TDRD12: variants seen among roughly 807,000 people sequenced by gnomAD.
TDRD12 encodes the protein tudor domain containing 12.
Under a neutral mutation model 133.5 loss-of-function variants are expected in TDRD12, and 158 were observed. The ratio of observed to expected loss-of-function variants is 1.18; its 90% CI spans 1.04 to 1.35. The LOEUF (loss-of-function observed/expected upper bound fraction) is 1.35, where lower values mean the gene tolerates loss of function less well. Ranked by LOEUF, TDRD12 falls within the 40% of genes most tolerant of loss-of-function variation. TDRD12 has a pLI of 0.00. For synonymous variants in TDRD12, 460 were observed against 477.9 expected (o/e 0.96, Z 0.49); for missense variants, 1,443 against 1,321.3 (o/e 1.09, Z -1.43).
intron 8 of TDRD12, among the ~76,000 whole-genome samples, chr19:32,757,377 C>G (rs1970026945): frequency 6.6e-6 from 1 of 152,152 alleles, no homozygotes; most frequent in Non-Finnish European, 1.5e-5. Flanking sequence ...TTATTCCAGC[C>G]TAGCCATCGA....
At position 32,757,038 on chromosome 19, in the gene TDRD12, A is replaced by G; in HGVS notation, c.773A>G (p.Asp258Gly). ...TTCTGAAATTTATTCTTTCTATCAG[A>G]TTCACATGGTGTAAATTTTCCGGCA... Residue 258 changes from aspartate (D) to glycine (G), a missense_variant and splice_region_variant, in exon 8 of 28, where the codon GAT becomes GGT. Asp to Gly is a moderately conservative substitution (Grantham distance 94). Transcript: ENST00000444215. 1 of 1,551,224 alleles carries G rather than the reference A, an allele frequency of 6.4e-7. No individual in the cohort carries two copies. Among genetic ancestry groups the G allele is most frequent in the East Asian group, 2.4e-5 (1 of 40,906 alleles).
At chr19:32,749,543 G>T (rs1402210260) in intron 5 of TDRD12, among the ~76,000 whole-genome samples, 1 of 152,016 alleles carries the variant, frequency 6.6e-6, no homozygotes, top group Admixed American at 6.6e-5. Flanking sequence ...ATCTGGGTTT[G>T]GGAGGCATGG....
chr19:32,820,572 G>C (rs1180470732), intron 27 of TDRD12, among the ~76,000 whole-genome samples: 1 of 152,184 alleles, frequency 6.6e-6, no homozygotes, highest in African/African-American at 2.4e-5. Flanking sequence ...GTTTAAATGT[G>C]TGTATGTGTC....
Position 32,807,267 on chromosome 19 carries a change from T to TAAAAAAAAAAAAAAA in TDRD12, c.2553-267_2553-253dup, listed in dbSNP as rs59421213. Among the ~76,000 whole-genome samples the TAAAAAAAAAAAAAAA allele has an allele frequency of 4.2e-4, 20 of 47,202 alleles. 3 individuals carry two copies. Among genetic ancestry groups the TAAAAAAAAAAAAAAA allele is most frequent in the East Asian group, 3.5e-3 (4 of 1,146 alleles). 31.0% of individuals were successfully genotyped at this position (47,202 alleles called of 152,430 possible). A position where few individuals can be genotyped will look rare whatever the true frequency, so the allele number is the denominator to read the frequency against. On this transcript the variant is annotated intron_variant, in intron 21 of 27. Transcript: ENST00000444215. ...GGGCAACAGAGTGAGACCAAACTCT[T>TAAAAAAAAAAAAAAA]AAAAAAAAAAAAAAAAAAAAAAAAA... is the stretch of plus-strand genomic sequence containing the variant.
intron 1 of TDRD12, among the ~76,000 whole-genome samples, chr19:32,725,032 T>A (rs1169976043): frequency 6.6e-6 from 1 of 152,232 alleles, no homozygotes; most frequent in African/African-American, 2.4e-5. Context: ...AAGTGTCTGT[T>A]CATGCGCTTT....
At chr19:32,788,730 G>A (rs1346864222) in intron 11 of TDRD12, among the ~76,000 whole-genome samples, 8 of 152,084 alleles carry the variant, frequency 5.3e-5, no homozygotes, top group Admixed American at 6.6e-5. Context: ...GTATTTCAAC[G>A]TAGAGGCCCA....
intron 6 of TDRD12, among the ~76,000 whole-genome samples, chr19:32,751,928 C>T (rs1296540520): frequency 1.3e-5 from 2 of 152,056 alleles, no homozygotes; most frequent in Non-Finnish European, 2.9e-5. Flanking sequence ...GGCTGGAGTG[C>T]AGTGGCGCAA....
rs1971434282 is a variant in TDRD12, at chr19:32,802,690, C to T, written c.2232C>T (p.Ile744=). 3 of 1,536,262 alleles carry T rather than the reference C, an allele frequency of 2.0e-6. 1 individual carries two copies. The highest frequency in any genetic ancestry group is 2.6e-6 in the Non-Finnish European group (3 of 1,146,926). Residue 744 remains isoleucine, a synonymous_variant, in exon 20 of 28, where the codon ATC becomes ATT. Coordinates refer to ENST00000444215, the Ensembl canonical transcript of TDRD12. ...ACGACTGCGTCCCACTCTTGGCCAT[C>T]ACCGATGCCACGTGTGTGATTCACT...
intron 10 of TDRD12, among the ~76,000 whole-genome samples, chr19:32,774,402 T>A (rs1465208673): frequency 6.6e-6 from 1 of 152,190 alleles, no homozygotes; most frequent in East Asian, 1.9e-4. Flanking sequence ...TCCTTCCACC[T>A]AAGGGCTTCC....
At chr19:32,772,154 A>G (rs1191241055) in intron 8 of TDRD12, among the ~76,000 whole-genome samples, 1 of 152,180 alleles carries the variant, frequency 6.6e-6, no homozygotes, top group East Asian at 1.9e-4. Context: ...GGACTCAGGC[A>G]CGTTCTGGCA....
intron 6 of TDRD12, among the ~76,000 whole-genome samples, chr19:32,751,606 G>A (rs1041619582): frequency 8.1e-5 from 10 of 123,730 alleles, no homozygotes; most frequent in South Asian, 3.0e-4. Flanking sequence ...CCTCCCATCC[G>A]TCTCTCTCTG....
intron 14 of TDRD12, chr19:32,796,297 T>C (rs1971223237): frequency 3.2e-6 from 2 of 629,000 alleles, no homozygotes; most frequent in Non-Finnish European, 4.0e-6. Context: ...CTTTAGAAAG[T>C]TGCATCTGTT....
chr19:32,728,577 C>T (rs1380102936), intron 1 of TDRD12, among the ~76,000 whole-genome samples: 2 of 151,036 alleles, frequency 1.3e-5, no homozygotes, highest in African/African-American at 4.9e-5. Flanking sequence ...TTTTTCCTGT[C>T]TTACTGTACT....
chr19:32,772,189 C>T lies in TDRD12; in HGVS notation c.866-564C>T, dbSNP rs1396292953. Among the ~76,000 whole-genome samples, 4 of 152,184 alleles carry T rather than the reference C, an allele frequency of 2.6e-5. No individual in the cohort carries two copies. The East Asian group carries it at 7.7e-4, about 29-fold the overall frequency. On this transcript the variant is annotated intron_variant, in intron 8 of 27. Coordinates refer to ENST00000444215, the Ensembl canonical transcript of TDRD12. Reference sequence around the variant, plus strand: ...AGTTGATGCTGGCTTTTGGCTGGGACCTCAGCTGGGACTCTTGTCCGAAAT... The same window carrying T: ...AGTTGATGCTGGCTTTTGGCTGGGATCTCAGCTGGGACTCTTGTCCGAAAT...
chr19:32,827,367 CTTTTCTT>C, exon 10 of TDRD12: 8 of 256,396 alleles, frequency 3.1e-5, no homozygotes, highest in Non-Finnish European at 4.2e-5. Context: ...TTTTTCTTTT[CTTTTCTT>C]TTTTTTTTTT....
rs1455489285 is a variant in TDRD12, at chr19:32,801,842, GAAGTT to G, written c.2172_2176del (p.Leu724PhefsTer46). The G allele has an allele frequency of 1.2e-5, 18 of 1,448,328 alleles. No individual in the cohort carries two copies. The highest frequency in any genetic ancestry group is 1.7e-4 in the Middle Eastern group (1 of 5,824). The allele number at this position is 1,448,328 out of a possible 1,614,324, so 89.7% of individuals were successfully genotyped here. On this transcript the variant is annotated frameshift_variant, in exon 19 of 28. Transcript: ENST00000444215. LOFTEE classifies it high-confidence loss of function. Reference sequence around the variant, plus strand: ...AAAATGTTTTAGAACAGTGGAAGAAGAAGTTAAGTTCTGGCTCTCAAATTATATTA... The same window carrying G: ...AAAATGTTTTAGAACAGTGGAAGAAGAAGTTCTGGCTCTCAAATTATATTA...
At chr19:32,803,139 G>A (rs1394062006) in exon 21 of TDRD12, 9 of 1,513,238 alleles carry the variant, frequency 5.9e-6, no homozygotes, top group Non-Finnish European at 7.9e-6. Flanking sequence ...TTTGGTTTTT[G>A]CAAGTGAGCC....
chr19:32,790,571 G>GGAAT lies in TDRD12; in HGVS notation c.1163_1166dup (p.Ile389MetfsTer4). On this transcript the variant is annotated frameshift_variant, in exon 12 of 28. Transcript: ENST00000444215. LOFTEE classifies it high-confidence loss of function. The stretch of plus-strand genomic sequence containing the variant: ...AAATCCTGATCCTTTGAGAGCTGAC[G>GGAAT]GAATCTCTGATCTCCAGCAGGTATT... The GGAAT allele has an allele frequency of 6.4e-7, 1 of 1,551,870 alleles. No homozygotes were observed. Among genetic ancestry groups the GGAAT allele is most frequent in the East Asian group, 2.4e-5 (1 of 40,922 alleles).
chr19:32,805,746 T>C (rs992748086), intron 21 of TDRD12, among the ~76,000 whole-genome samples: 2 of 149,404 alleles, frequency 1.3e-5, no homozygotes, highest in Admixed American at 6.7e-5. Flanking sequence ...TTTTTTTTTT[T>C]TTTGAGATGG....
Sources: gnomAD v4.1 joint callset for allele counts (sites outside exome capture counted in the v4.1 genomes callset) on GRCh38, gnomAD v4.1.1 for gene constraint, MANE v1.5 for transcripts, NCBI Gene and HGNC (gene_info 2026-07-23, HGNC 2026-07-21) for gene names.